Variants in CPB2 observed in about 807,000 individuals in gnomAD.
The protein encoded by CPB2 is carboxypeptidase B2, also known as carboxypeptidase B-like protein.
A neutral mutation model predicts 57.0 loss-of-function variants in CPB2; 54 were observed. The observed-to-expected ratio is 0.95, with a 90% confidence interval of 0.76 to 1.19. The LOEUF is 1.19. Among genes scored for constraint, CPB2 ranks in the 50% most tolerant of loss-of-function variants. The pLI is 0.00. For synonymous variants in CPB2, 189 were observed against 178.1 expected (o/e 1.06, Z -0.49); for missense variants, 426 against 512.0 (o/e 0.83, Z 1.62).
rs373476790 is a variant in CPB2, at chr13:46,075,684, CT to C, written c.487-1708del. 2.6e-4 allele frequency among the ~76,000 whole-genome samples: 39 copies of C among 152,244 alleles called. No homozygotes were observed. In the East Asian group the frequency reaches 4.4e-3, roughly 17 times the overall value. ...AAATTGAGAAGTCCTAACCCAAAGTCTTATCTTTGAATGACTGAAGAGGCTC... is the reference window on the plus strand; with the variant it reads ...AAATTGAGAAGTCCTAACCCAAAGTCTATCTTTGAATGACTGAAGAGGCTC... On this transcript the variant is annotated intron_variant, in intron 5 of 10. Transcript: ENST00000181383.
chr13:46,056,880 C>G (rs548819159), intron 9 of CPB2, among the ~76,000 whole-genome samples: 1 of 152,228 alleles, frequency 6.6e-6, no homozygotes, highest in Non-Finnish European at 1.5e-5. Flanking sequence ...TTTATCTCCT[C>G]ACTTATCTCA....
At chr13:46,081,250 A>T (rs561046508) in intron 4 of CPB2, among the ~76,000 whole-genome samples, 1 of 152,188 alleles carries the variant, frequency 6.6e-6, no homozygotes. Context: ...GTAAGAAAAC[A>T]TAACTTTTTT....
intron 1 of CPB2, among the ~76,000 whole-genome samples, chr13:46,090,091 G>A (rs2045269266): frequency 6.6e-6 from 1 of 151,568 alleles, no homozygotes; most frequent in South Asian, 2.1e-4. Flanking sequence ...CTTAGTGATG[G>A]TAGCTTCATA....
rs368381615 is a variant in CPB2 at position 46,084,297 on chromosome 13, T to G, written c.197A>C (p.Lys66Thr). The change falls in exon 3 of 11, where the codon AAA (lysine) becomes ACA (threonine). Residue 66 changes from lysine to threonine, a missense_variant. Lys to Thr is a moderately conservative substitution (Grantham distance 78, BLOSUM62 -1). Coordinates refer to ENST00000181383, the MANE Select transcript of CPB2 (RefSeq NM_001872.5). ...PVTADLIVKK[K>T]QVHFFVNASD... Reference sequence around the variant, plus strand: ...TGCATTTACAAAAAAATGGACTTGTTTTTTCTTCACAATAAGGTCAGCTGT... The same window carrying G: ...TGCATTTACAAAAAAATGGACTTGTGTTTTCTTCACAATAAGGTCAGCTGT... The G allele has an allele frequency of 1.9e-6, 3 of 1,614,038 alleles. No individual in the cohort carries two copies. Among genetic ancestry groups the G allele is most frequent in the Non-Finnish European group, 2.5e-6 (3 of 1,180,038 alleles).
At chr13:46,066,722 G>A (rs566246219) in intron 7 of CPB2, among the ~76,000 whole-genome samples, 15 of 151,812 alleles carry the variant, frequency 9.9e-5, no homozygotes, top group African/African-American at 2.2e-4. Flanking sequence ...GCAGGCACCC[G>A]TAGTCCCAGT....
At chr13:46,058,881 T>C (rs2044733123) in intron 8 of CPB2, among the ~76,000 whole-genome samples, 2 of 152,228 alleles carry the variant, frequency 1.3e-5, no homozygotes, top group African/African-American at 2.4e-5. Flanking sequence ...GGGATGGTGA[T>C]ATTTGTTGCC....
At chr13:46,100,980 A>C (rs1315985114) in intron 1 of CPB2, 1 of 152,364 alleles carries the variant, frequency 6.6e-6, no homozygotes, top group East Asian at 1.9e-4. Flanking sequence ...GAGGTGAGGC[A>C]GTTGTTTTCC....
In CPB2 at chr13:46,053,719, CG is replaced by C; in HGVS notation, c.1166del (p.Thr389ArgfsTer27). ...KYSFTIELRDTGTYGFLLPER... is the reference protein window; with the variant it reads ...KYSFTIELRDXGTYGFLLPER... ...CCGGCAGCAAGAATCCGTATGTGCC[CG>C]TATCTCGAAGTTCAATTGTAAACGA... is the stretch of plus-strand genomic sequence containing the variant. On this transcript the variant is annotated frameshift_variant, in exon 11 of 11. Coordinates refer to ENST00000181383, the MANE Select transcript of CPB2 (RefSeq NM_001872.5). LOFTEE classifies it high-confidence loss of function. 1.2e-6 allele frequency: 2 copies of C among 1,614,078 alleles called. No homozygotes were observed. Among genetic ancestry groups the C allele is most frequent in the Non-Finnish European group, 1.7e-6 (2 of 1,180,004 alleles).
intron 3 of CPB2, among the ~76,000 whole-genome samples, chr13:46,082,863 T>C (rs2045141064): frequency 6.6e-6 from 1 of 152,204 alleles, no homozygotes; most frequent in Admixed American, 6.5e-5. Context: ...TTTATATGAA[T>C]ATATGGATTA....
At chr13:46,056,100 T>C (rs1236288048) in intron 9 of CPB2, among the ~76,000 whole-genome samples, 1 of 149,406 alleles carries the variant, frequency 6.7e-6, no homozygotes, top group East Asian at 1.9e-4. Flanking sequence ...AATAAATATA[T>C]TAATTTGCAG....
At chr13:46,078,750 T>C in intron 5 of CPB2, 50 bp downstream of exon 5, 1 of 1,181,730 alleles carries the variant, frequency 8.5e-7, no homozygotes, top group Non-Finnish European at 1.3e-6. Context: ...GACTGGAGAA[T>C]TAATCCCTCC....
At chr13:46,056,826 T>C (rs866354464) in intron 9 of CPB2, among the ~76,000 whole-genome samples, 11 of 152,208 alleles carry the variant, frequency 7.2e-5, no homozygotes, top group East Asian at 1.9e-4. Flanking sequence ...TTGTAGTTTT[T>C]CCCCCCCTTA....
chr13:46,097,678 A>G (rs984304115), intron 1 of CPB2, among the ~76,000 whole-genome samples: 7 of 152,196 alleles, frequency 4.6e-5, no homozygotes, highest in South Asian at 2.1e-4. Context: ...TGAAGGATCA[A>G]TTGAGGTGCT....
At chr13:46,080,561 G>A (rs2045096771) in intron 4 of CPB2, among the ~76,000 whole-genome samples, 1 of 152,272 alleles carries the variant, frequency 6.6e-6, no homozygotes. Flanking sequence ...TTAAAGAGAT[G>A]ATCAAGTCAA....
intron 1 of CPB2, among the ~76,000 whole-genome samples, chr13:46,101,776 T>C (rs184693706): frequency 1.3e-5 from 2 of 152,310 alleles, no homozygotes; most frequent in African/African-American, 4.8e-5. Context: ...GGGTGATAAG[T>C]AGCAGATCTG....
Position 46,084,303 on chromosome 13 carries a change from T to C in CPB2, c.191A>G (p.Lys64Arg). 1 of 1,614,168 alleles carries C rather than the reference T, an allele frequency of 6.2e-7. No homozygotes were observed. ...WQPVTADLIV[K>R]KKQVHFFVNA... The stretch of plus-strand genomic sequence containing the variant: ...TACAAAAAAATGGACTTGTTTTTTC[T>C]TCACAATAAGGTCAGCTGTTACCGG... The change falls in exon 3 of 11, where the codon AAG becomes AGG. Residue 64 changes from lysine to arginine, a missense_variant. By Grantham distance (26) the Lys-to-Arg change is conservative (BLOSUM62 2). Coordinates refer to ENST00000181383, the MANE Select transcript of CPB2 (RefSeq NM_001872.5).
chr13:46,064,766 C>T, intron 7 of CPB2, 25 bp from the exon 8 acceptor site: 3 of 1,597,346 alleles, frequency 1.9e-6, no homozygotes, highest in Non-Finnish European at 2.6e-6. Flanking sequence ...TACAAACAGA[C>T]AACCTGGGTA....
intron 1 of CPB2, among the ~76,000 whole-genome samples, chr13:46,097,842 A>C (rs1330176693): frequency 6.6e-6 from 1 of 152,212 alleles, no homozygotes; most frequent in African/African-American, 2.4e-5. Flanking sequence ...TTAGTACTTT[A>C]AATCTACAAA....
intron 1 of CPB2, among the ~76,000 whole-genome samples, chr13:46,102,975 T>G (rs903325858): frequency 6.6e-6 from 1 of 152,250 alleles, no homozygotes; most frequent in Admixed American, 6.5e-5. Flanking sequence ...CAGTCAGATT[T>G]CAGAGTATAA....
Sources: gnomAD v4.1 joint callset for allele counts (sites outside exome capture counted in the v4.1 genomes callset) on GRCh38, gnomAD v4.1.1 for gene constraint, MANE v1.5 for transcripts, NCBI Gene and HGNC (gene_info 2026-07-23, HGNC 2026-07-21) for gene names.